TFB1M: variants seen among roughly 807,000 people sequenced by gnomAD.
TFB1M encodes the protein transcription factor B1, mitochondrial.
Under a neutral mutation model 31.1 loss-of-function variants are expected in TFB1M, and 27 were observed. That is an observed-to-expected ratio of 0.87 (90% confidence interval 0.64 to 1.20). TFB1M has a LOEUF of 1.20. Among genes scored for constraint, TFB1M ranks in the 50% most tolerant of loss-of-function variants. The pLI is 0.00. For missense variants in TFB1M, 394 were observed against 418.7 expected (o/e 0.94, Z 0.51); for synonymous variants, 166 against 151.8 (o/e 1.09, Z -0.69).
intron 2 of TFB1M, among the ~76,000 whole-genome samples, chr6:155,298,841 T>A (rs17086134): frequency 0.07 from 10,609 of 152,214 alleles, 476 homozygotes; most frequent in East Asian, 0.18. Context: ...AGTGTAATTT[T>A]GACCTTCAGG....
chr6:155,313,315 A>C (rs1216640863), intron 1 of TFB1M: 2 of 152,154 alleles, frequency 1.3e-5, no homozygotes, highest in Non-Finnish European at 2.9e-5. Flanking sequence ...ATATTGGTAC[A>C]GGCAGAATAA....
downstream of TFB1M, chr6:155,254,170 C>T (rs1364754927): frequency 8.3e-7 from 1 of 1,206,748 alleles, no homozygotes; most frequent in Non-Finnish European, 1.2e-6. Context: ...CAGGGTCATA[C>T]TCCCCACCCT....
intron 5 of TFB1M, among the ~76,000 whole-genome samples, chr6:155,280,737 T>TCAAAAAACA (rs1430362552): frequency 2.0e-5 from 3 of 152,124 alleles, no homozygotes; most frequent in Non-Finnish European, 4.4e-5. Flanking sequence ...ATGTCAGATT[T>TCAAAAAACA]CAAAAAACAC....
Position 155,300,551 on chromosome 6 carries a change from T to A in TFB1M, c.286-1966A>T, listed in dbSNP as rs139564376. ...TTTTCTATAATTATGTTCACAAAGT[T>A]AAAACAAATTAGCACGCCAAAAACA... On this transcript the variant is annotated intron_variant, in intron 2 of 6. Coordinates refer to ENST00000367166, the MANE Select transcript of TFB1M (RefSeq NM_016020.4). 5.3e-4 allele frequency among the ~76,000 whole-genome samples: 80 copies of A among 152,282 alleles called. 1 individual carries two copies. The East Asian group carries it at 0.014, about 27-fold the overall frequency.
chr6:155,242,950 C>G, the TFB1M span, among the ~76,000 whole-genome samples: 1 of 150,772 alleles, frequency 6.6e-6, no homozygotes, highest in Non-Finnish European at 1.5e-5. Flanking sequence ...ACCATGTTGG[C>G]TTGGCTGGTC....
chr6:155,244,923 C>T, the TFB1M span: 14 of 1,099,714 alleles, frequency 1.3e-5, no homozygotes, highest in Non-Finnish European at 1.7e-5. Context: ...TTCCTTGCAC[C>T]GTTTTCCTCT....
chr6:155,241,070 T>A, the TFB1M span, among the ~76,000 whole-genome samples: 1,858 of 152,322 alleles, frequency 0.012, 31 homozygotes, highest in Non-Finnish European at 0.015. Flanking sequence ...AATCTGTACA[T>A]ACGTGACGGC....
chr6:155,243,957 A>C, the TFB1M span: 1 of 1,488,272 alleles, frequency 6.7e-7, no homozygotes, highest in African/African-American at 1.4e-5. Flanking sequence ...CCCAAATCTC[A>C]TGGGTATTTT....
At chr6:155,254,590 C>T (rs1783884024), downstream of TFB1M, 1 of 1,604,938 alleles carries the variant, frequency 6.2e-7, no homozygotes, top group Non-Finnish European at 8.5e-7. Flanking sequence ...ATTTTGCTAG[C>T]CTTGTGTTTA....
rs1356861973 is a variant in TFB1M at position 155,314,365 on chromosome 6, T to C, written c.64A>G (p.Ile22Val). 1 of 1,614,232 alleles carries C rather than the reference T, an allele frequency of 6.2e-7. No homozygotes were observed. The highest frequency in any genetic ancestry group is 1.1e-5 in the South Asian group (1 of 91,092). The change falls in exon 1 of 7, where the codon ATT (isoleucine) becomes GTT (valine). Residue 22 changes from isoleucine to valine, a missense_variant. By Grantham distance (29) the Ile-to-Val change is conservative. Transcript: ENST00000367166. ...GCTGCTTGCAGTCTTAACAACTTAA[T>C]GATTTCTCGAATCGTGGGCAACGGA... The part of the protein sequence containing the change: ...LPPLPTIREI[I>V]KLLRLQAAKQ...
At position 155,260,305 on chromosome 6, in the gene TFB1M, C is replaced by T. The variant is rs1346941342; in HGVS notation, c.762G>A (p.Gln254=). ...LVEKVVQNVF[Q]FRRKYCHRGL... ...CTCGATGGCAGTATTTCCTTCGGAA[C>T]TGAAATACATTCTGAACCACTTTTT... The change falls in exon 6 of 7, where the codon CAG becomes CAA. Residue 254 remains glutamine, a synonymous_variant. Transcript: ENST00000367166. 2 of 1,614,088 alleles carry T rather than the reference C, an allele frequency of 1.2e-6. No individual in the cohort carries two copies. Among genetic ancestry groups the T allele is most frequent in the Non-Finnish European group, 1.7e-6 (2 of 1,180,006 alleles).
At chr6:155,239,886 C>A in the TFB1M span, among the ~76,000 whole-genome samples, 40 of 151,918 alleles carry the variant, frequency 2.6e-4, no homozygotes, top group African/African-American at 8.4e-4. Flanking sequence ...GGCTCTGCAC[C>A]CCTTTAGGGT....
intron 4 of TFB1M, among the ~76,000 whole-genome samples, chr6:155,295,165 G>A (rs1777109157): frequency 6.6e-6 from 1 of 152,170 alleles, no homozygotes; most frequent in African/African-American, 2.4e-5. Flanking sequence ...AGGAGATGGA[G>A]ACCATCCTGG....
At chr6:155,287,682 T>C (rs1277900915) in intron 4 of TFB1M, among the ~76,000 whole-genome samples, 3 of 151,826 alleles carry the variant, frequency 2.0e-5, no homozygotes, top group South Asian at 2.1e-4. Flanking sequence ...AGAAAGGGGA[T>C]AGAAGAGGGC....
the TFB1M span, chr6:155,248,202 G>C: frequency 1.6e-5 from 25 of 1,607,692 alleles, no homozygotes; most frequent in Non-Finnish European, 2.1e-5. Context: ...CGGCACCTCC[G>C]GGCGAGGGCC....
chr6:155,310,906 T>TA (rs375552963), intron 2 of TFB1M: 55,776 of 351,908 alleles, frequency 0.16, 2,194 homozygotes, highest in South Asian at 0.2. Flanking sequence ...TTAGCAGACT[T>TA]AAAAAAAAAA....
chr6:155,278,036 C>T (rs1390940009), intron 5 of TFB1M, among the ~76,000 whole-genome samples: 1 of 152,168 alleles, frequency 6.6e-6, no homozygotes, highest in African/African-American at 2.4e-5. Context: ...ATGTTTCAAA[C>T]TCTCAGAAAA....
the TFB1M span, chr6:155,250,870 T>C: frequency 6.3e-7 from 1 of 1,583,218 alleles, no homozygotes; most frequent in Non-Finnish European, 8.7e-7. Context: ...TCATCTAGCC[T>C]GGGATTTCCG....
At chr6:155,313,471 C>G (rs1400408209) in intron 1 of TFB1M, among the ~76,000 whole-genome samples, 2 of 152,036 alleles carry the variant, frequency 1.3e-5, no homozygotes, top group African/African-American at 4.8e-5. Flanking sequence ...ATCTCAAAAC[C>G]TAAGTACTCC....
Sources: allele counts gnomAD v4.1 joint callset (sites outside exome capture counted in the v4.1 genomes callset), GRCh38; gene constraint gnomAD v4.1.1; transcripts MANE v1.5; gene names NCBI Gene and HGNC (gene_info 2026-07-23, HGNC 2026-07-21).